The following TF variants were observed in gnomAD, a reference collection of about 807,000 sequenced individuals.
TF encodes serotransferrin.
A neutral mutation model predicts 82.4 loss-of-function variants in TF; 55 were observed. The ratio of observed to expected loss-of-function variants is 0.67; its 90% CI spans 0.54 to 0.84. The LOEUF is 0.84. TF is among the 40% of genes least tolerant of loss of function. TF has a pLI of 0.00. For synonymous variants in TF, 332 were observed against 332.6 expected (o/e 1.00, Z 0.02); for missense variants, 737 against 868.4 (o/e 0.85, Z 1.90).
intron 2 of TF, among the ~76,000 whole-genome samples, chr3:133,750,067 C>T (rs1246472743): frequency 6.6e-6 from 1 of 152,204 alleles, no homozygotes; most frequent in Non-Finnish European, 1.5e-5. Context: ...GAATGGCTCT[C>T]AGTCCTTGAG....
the TF span, among the ~76,000 whole-genome samples, chr3:133,735,170 G>A: frequency 0.11 from 17,078 of 151,828 alleles, 1,192 homozygotes; most frequent in Non-Finnish European, 0.15. Flanking sequence ...GTGAAACCCC[G>A]TCTCTACTAA....
Position 133,788,377 on chromosome 3 carries a change from C to T in TF, c.*9757C>T, listed in dbSNP as rs937685384. 1.3e-5 allele frequency: 2 copies of T among 152,192 alleles called. No individual in the cohort carries two copies. Among genetic ancestry groups the T allele is most frequent in the Admixed American group, 6.5e-5 (1 of 15,278 alleles). The allele number at this position is 152,192 out of a possible 1,614,324, so 9.4% of individuals were successfully genotyped here. On this transcript the variant is annotated 3_prime_UTR_variant, in exon 17 of 17. Coordinates refer to ENST00000402696, the MANE Select transcript of TF (RefSeq NM_001063.4). ...GAAACCTTGAGAGGGTATTTAAACC[C>T]GAGAAAATTCTGTAACTGGGCTCTT...
chr3:133,723,621 A>G, the TF span, among the ~76,000 whole-genome samples: 1 of 136,390 alleles, frequency 7.3e-6, no homozygotes, highest in African/African-American at 2.8e-5. Context: ...TCAGTTCACA[A>G]TATCTGTTTG....
chr3:133,678,639 G>C, the TF span, among the ~76,000 whole-genome samples: 1 of 152,100 alleles, frequency 6.6e-6, no homozygotes, highest in East Asian at 1.9e-4. Flanking sequence ...TCTTAAGTTT[G>C]TTGGCCGCAT....
the TF span, among the ~76,000 whole-genome samples, chr3:133,685,881 T>TGC: frequency 6.6e-6 from 1 of 151,958 alleles, no homozygotes; most frequent in Admixed American, 6.6e-5. Context: ...AAAAAGCCCA[T>TGC]ATTGCCAAGA....
the TF span, among the ~76,000 whole-genome samples, chr3:133,693,327 G>A: frequency 4.6e-5 from 7 of 151,590 alleles, no homozygotes; most frequent in African/African-American, 1.7e-4. Context: ...CAAGGAAAGG[G>A]TGACTGGGCT....
At chr3:133,720,104 T>C in the TF span, among the ~76,000 whole-genome samples, 1 of 152,280 alleles carries the variant, frequency 6.6e-6, no homozygotes, top group Non-Finnish European at 1.5e-5. Context: ...TTCTCCTTCC[T>C]AACTGTTGTT....
the TF span, among the ~76,000 whole-genome samples, chr3:133,689,198 T>C: frequency 6.6e-5 from 10 of 152,064 alleles, no homozygotes; most frequent in African/African-American, 2.4e-4. Flanking sequence ...CCGGGCATGG[T>C]GGCACACACC....
intron 7 of TF, among the ~76,000 whole-genome samples, 200 bp downstream of exon 7, chr3:133,757,209 C>T (rs1419295069): frequency 3.9e-5 from 6 of 152,236 alleles, no homozygotes; most frequent in African/African-American, 9.6e-5. Flanking sequence ...CCGTCTGCCG[C>T]CCTTGCCTTT....
At position 133,764,272 on chromosome 3, in the gene TF, A is replaced by C; in HGVS notation, c.1294A>C (p.Asn432His). 6.2e-7 allele frequency: 1 copy of C among 1,613,106 alleles called. No homozygotes were observed. Among genetic ancestry groups the C allele is most frequent in the East Asian group, 2.2e-5 (1 of 44,880 alleles). Residue 432 changes from asparagine to histidine, a missense_variant, in exon 10 of 17, where the codon AAT (asparagine) becomes CAT (histidine). By Grantham distance (68) the Asn-to-His change is moderately conservative. Coordinates refer to ENST00000402696, the MANE Select transcript of TF (RefSeq NM_001063.4). ...GLVPVLAENY[N>H]KSDNCEDTPE... is the part of the protein sequence containing the mutation. ...GGTGCCTGTCTTGGCAGAAAACTAC[A>C]ATAGTAAGTGGTGGGGAGCACCTCT...
intron 8 of TF, 40 bp downstream of exon 8, chr3:133,757,986 G>A (rs758645234): frequency 6.5e-5 from 105 of 1,607,968 alleles, no homozygotes; most frequent in Non-Finnish European, 8.8e-5. Flanking sequence ...CAAGCACTTG[G>A]GAAACCTGGT....
chr3:133,787,877 G>T lies in TF; in HGVS notation c.*9257G>T, dbSNP rs745862839. The T allele has an allele frequency of 5.9e-5, 9 of 152,178 alleles. No homozygotes were observed. Among genetic ancestry groups the T allele is most frequent in the Non-Finnish European group, 1.3e-4 (9 of 68,018 alleles). 9.4% of individuals were successfully genotyped at this position (152,178 alleles called of 1,614,324 possible). Reference sequence around the variant, plus strand: ...CAAAAATAGTAAAGTAACACATTTTGTACACTTTGTGTTAACGTTTATAAA... The same window carrying T: ...CAAAAATAGTAAAGTAACACATTTTTTACACTTTGTGTTAACGTTTATAAA... On this transcript the variant is annotated 3_prime_UTR_variant, in exon 17 of 17. Transcript: ENST00000402696.
intron 7 of TF, among the ~76,000 whole-genome samples, 191 bp downstream of exon 7, chr3:133,757,200 C>T (rs972628374): frequency 1.3e-5 from 2 of 152,200 alleles, no homozygotes; most frequent in African/African-American, 2.4e-5. Flanking sequence ...GTGGTGCTAC[C>T]GTCTGCCGCC....
At chr3:133,705,271 T>C in the TF span, among the ~76,000 whole-genome samples, 2 of 75,074 alleles carry the variant, frequency 2.7e-5, no homozygotes, top group Non-Finnish European at 6.7e-5. Flanking sequence ...CAAAACTCCA[T>C]CTCAAAAAAA....
upstream of TF, among the ~76,000 whole-genome samples, chr3:133,741,513 G>A (rs1933388499): frequency 6.6e-6 from 1 of 152,144 alleles, no homozygotes; most frequent in African/African-American, 2.4e-5. Context: ...CAACAGAAAA[G>A]CTTTATTCAG....
the TF span, among the ~76,000 whole-genome samples, chr3:133,663,137 AC>A: frequency 6.6e-6 from 1 of 151,168 alleles, no homozygotes; most frequent in Non-Finnish European, 1.5e-5. Flanking sequence ...TCAGCAAGAA[AC>A]CCCTTTACTC....
Position 133,768,118 on chromosome 3 carries a change from G to A in TF, c.1576G>A (p.Glu526Lys), listed in dbSNP as rs1293259116. Residue 526 changes from glutamate to lysine, a missense_variant, in exon 13 of 17, where the codon GAA (glutamate) becomes AAA (lysine). Physicochemically the swap from Glu to Lys is moderately conservative, Grantham distance 56. Coordinates refer to ENST00000402696, the MANE Select transcript of TF (RefSeq NM_001063.4). ...LCMGSGLNLCEPNNKEGYYGY... is the reference protein window; with the variant it reads ...LCMGSGLNLCKPNNKEGYYGY... ...TATGGGCTCAGGCCTAAACCTGTGTGAACCCAACAACAAAGAGGGATACTA... is the reference window on the plus strand; with the variant it reads ...TATGGGCTCAGGCCTAAACCTGTGTAAACCCAACAACAAAGAGGGATACTA... 6.2e-7 allele frequency: 1 copy of A among 1,614,104 alleles called. No homozygotes were observed. Among genetic ancestry groups the A allele is most frequent in the Non-Finnish European group, 8.5e-7 (1 of 1,180,034 alleles).
At chr3:133,677,908 C>T in the TF span, among the ~76,000 whole-genome samples, 2 of 151,998 alleles carry the variant, frequency 1.3e-5, no homozygotes, top group Non-Finnish European at 1.5e-5. Flanking sequence ...AAGTGCGGAA[C>T]ATGCAGGTTT....
chr3:133,668,451 A>G, the TF span, among the ~76,000 whole-genome samples: 1 of 152,190 alleles, frequency 6.6e-6, no homozygotes, highest in African/African-American at 2.4e-5. Context: ...AGAGCCTCCT[A>G]GTGCCTGCCC....
Sources: allele counts gnomAD v4.1 joint callset (sites outside exome capture counted in the v4.1 genomes callset), GRCh38; gene constraint gnomAD v4.1.1; transcripts MANE v1.5; gene names NCBI Gene and HGNC (gene_info 2026-07-23, HGNC 2026-07-21).